Variants in LAMTOR4 observed in about 807,000 individuals in gnomAD.
LAMTOR4 encodes ragulator complex protein LAMTOR4.
A neutral mutation model predicts 13.5 loss-of-function variants in LAMTOR4; 11 were observed. The ratio of observed to expected loss-of-function variants is 0.82; its 90% confidence interval spans 0.51 to 1.35. LAMTOR4 has a LOEUF of 1.35. LAMTOR4 is among the 40% of genes most tolerant of loss of function. The pLI is 0.00. For synonymous variants in LAMTOR4, 69 were observed against 52.3 expected (o/e 1.32, Z -1.38); for missense variants, 128 against 126.2 (o/e 1.01, Z -0.07).
At position 100,150,768 on chromosome 7, in the gene LAMTOR4, G is replaced by A. The variant is rs556930477; in HGVS notation, c.84+1189G>A. ...TGGGAGGCCAAGGCGGGCGGATCAC[G>A]AGGTCAGGAGATCGAGACCATCCTG... On this transcript the variant is annotated intron_variant, in intron 2 of 3. Coordinates refer to ENST00000341942, the MANE Select transcript of LAMTOR4 (RefSeq NM_001008395.4). 3.7e-3 allele frequency among the ~76,000 whole-genome samples: 569 copies of A among 151,948 alleles called. 4 individuals are homozygous for A. Among genetic ancestry groups the A allele is most frequent in the Middle Eastern group, 6.8e-3 (2 of 294 alleles).
At position 100,153,933 on chromosome 7, in the gene LAMTOR4, A is replaced by G; in HGVS notation, c.269A>G (p.Gln90Arg). Residue 90 changes from glutamine to arginine, a missense_variant, in exon 4 of 4, where the codon CAG (glutamine) becomes CGG (arginine). Gln to Arg is a conservative substitution (Grantham distance 43, BLOSUM62 1). Transcript: ENST00000341942. ...SGQRVFVVKR[Q>R]NRGREPIDV ...CAGAGGGTGTTTGTGGTGAAGAGGC[A>G]GAACCGAGGTCGGGAGCCCATTGAT... 6.3e-7 allele frequency: 1 copy of G among 1,594,528 alleles called. No individual in the cohort carries two copies. The highest frequency in any genetic ancestry group is 8.5e-7 in the Non-Finnish European group (1 of 1,171,164).
chr7:100,149,523 G>A lies in LAMTOR4; in HGVS notation c.28G>A (p.Glu10Lys), dbSNP rs1798634885. The A allele has an allele frequency of 2.5e-6, 4 of 1,613,964 alleles. No individual in the cohort carries two copies. In the East Asian group the frequency reaches 8.9e-5, roughly 36 times the overall value. Residue 10 changes from glutamate (E) to lysine (K), a missense_variant, in exon 2 of 4, where the codon GAG (glutamate) becomes AAG (lysine). Glu to Lys is a moderately conservative substitution (Grantham distance 56). Coordinates refer to ENST00000341942, the MANE Select transcript of LAMTOR4 (RefSeq NM_001008395.4). MTSALTQGL[E>K]RIPDQLGYLV... ...GACTTCTGCGCTGACCCAGGGGCTG[G>A]AGCGAATCCCAGACCAGCTCGGCTA...
chr7:100,149,053 G>A (rs1028757360), intron 1 of LAMTOR4, 78 bp downstream of exon 1: 5 of 1,547,648 alleles, frequency 3.2e-6, no homozygotes, highest in Admixed American at 3.7e-5. Flanking sequence ...GTTTCCCCCT[G>A]GTGGGCCTGC....
At position 100,154,091 on chromosome 7, in the gene LAMTOR4, A is replaced by C. The variant is rs996165690; in HGVS notation, c.*127A>C. ...TTCTGCTCGCCCACCTCCCACCCCT[A>C]CCTGGACGGGCCCAGGCTTGGGGAC... On this transcript the variant is annotated 3_prime_UTR_variant, in exon 4 of 4. Transcript: ENST00000341942. 10 of 720,120 alleles carry C rather than the reference A, an allele frequency of 1.4e-5. No homozygotes were observed. The highest frequency in any genetic ancestry group is 2.2e-5 in the Non-Finnish European group (9 of 410,158). 44.6% of individuals were successfully genotyped at this position (720,120 alleles called of 1,614,324 possible).
chr7:100,151,378 G>GTT (rs1209891085), intron 2 of LAMTOR4, among the ~76,000 whole-genome samples: 2 of 149,294 alleles, frequency 1.3e-5, no homozygotes, highest in African/African-American at 4.9e-5. Context: ...CACCCGGCCT[G>GTT]TTTTTTTGTT....
At chr7:100,149,221 G>C (rs1265896106) in intron 1 of LAMTOR4, 2 of 612,186 alleles carry the variant, frequency 3.3e-6, no homozygotes, top group Admixed American at 3.0e-5. Context: ...GAGAGGGTCT[G>C]GGGGCAGGGG....
chr7:100,150,970 C>G (rs1798680063), intron 2 of LAMTOR4, among the ~76,000 whole-genome samples: 1 of 146,392 alleles, frequency 6.8e-6, no homozygotes, highest in South Asian at 2.2e-4. Context: ...GCCTGGGCGA[C>G]AGAGCAAGAC....
intron 1 of LAMTOR4, 48 bp downstream of exon 1, chr7:100,149,023 T>G: frequency 3.1e-6 from 5 of 1,597,212 alleles, no homozygotes; most frequent in Non-Finnish European, 4.3e-6. Flanking sequence ...GTTCAGCGTC[T>G]CTGCTCCCCA....
rs1059880 is a variant in LAMTOR4, at chr7:100,154,068, C to T, written c.*104C>T. 10 of 857,818 alleles carry T rather than the reference C, an allele frequency of 1.2e-5. No homozygotes were observed. The South Asian group carries it at 1.5e-4, about 13-fold the overall frequency. The allele number at this position is 857,818 out of a possible 1,614,324, so 53.1% of individuals were successfully genotyped here. ...GGCTTGCTGCTAGAACTAGGGCCTT[C>T]TGCTCGCCCACCTCCCACCCCTACC... On this transcript the variant is annotated 3_prime_UTR_variant, in exon 4 of 4. Coordinates refer to ENST00000341942, the MANE Select transcript of LAMTOR4 (RefSeq NM_001008395.4).
intron 3 of LAMTOR4, 21 bp from the exon 4 acceptor site, chr7:100,153,846 G>A (rs745895452): frequency 6.6e-7 from 1 of 1,519,960 alleles, no homozygotes; most frequent in Non-Finnish European, 9.0e-7. Flanking sequence ...TGGGGCGGGG[G>A]AAGGTGTGTC....
rs781430279 is a variant in LAMTOR4 at position 100,149,537 on chromosome 7, C to T, written c.42C>T (p.Asp14=). The change falls in exon 2 of 4, where the codon GAC becomes GAT. Residue 14 remains aspartate, a synonymous_variant. Coordinates refer to ENST00000341942, the MANE Select transcript of LAMTOR4 (RefSeq NM_001008395.4). ...ALTQGLERIP[D]QLGYLVLSEG... is the part of the protein sequence containing the mutation. ...CCCAGGGGCTGGAGCGAATCCCAGA[C>T]CAGCTCGGCTACCTGGTACTGAGTG... The T allele has an allele frequency of 3.7e-6, 6 of 1,613,878 alleles. No homozygotes were observed. The South Asian group carries it at 5.5e-5, about 15-fold the overall frequency.
At chr7:100,150,550 A>G (rs894050487) in intron 2 of LAMTOR4, among the ~76,000 whole-genome samples, 1 of 152,216 alleles carries the variant, frequency 6.6e-6, no homozygotes, top group African/African-American at 2.4e-5. Context: ...AAGGATCTTC[A>G]AGGCCAGGTT....
At chr7:100,151,876 A>AG (rs1798715680) in intron 2 of LAMTOR4, among the ~76,000 whole-genome samples, 1 of 151,632 alleles carries the variant, frequency 6.6e-6, no homozygotes, top group African/African-American at 2.4e-5. Context: ...AAAAAAAAAA[A>AG]AAAATGTGTG....
chr7:100,149,928 A>G, intron 2 of LAMTOR4: 1 of 176,396 alleles, frequency 5.7e-6, no homozygotes, highest in South Asian at 1.2e-4. Context: ...GGCACGTGCC[A>G]CCATGCTCTG....
chr7:100,150,527 G>A (rs1798666994), intron 2 of LAMTOR4, among the ~76,000 whole-genome samples: 1 of 152,168 alleles, frequency 6.6e-6, no homozygotes, highest in African/African-American at 2.4e-5. Flanking sequence ...TGGTCAGGGA[G>A]GATGTAATTG....
In LAMTOR4 at chr7:100,149,282, G is replaced by A. The variant is rs1376384966; in HGVS notation, c.4-217G>A. ...GGGTAGCAAAGGTGGGATGTGGAAGGCCAGGGGAGCCCGGGGGCGAGAGTG... is the reference window on the plus strand; with the variant it reads ...GGGTAGCAAAGGTGGGATGTGGAAGACCAGGGGAGCCCGGGGGCGAGAGTG... On this transcript the variant is annotated intron_variant, in intron 1 of 3. Coordinates refer to ENST00000341942, the MANE Select transcript of LAMTOR4 (RefSeq NM_001008395.4). 4 of 610,526 alleles carry A rather than the reference G, an allele frequency of 6.6e-6. No individual in the cohort carries two copies. In the African/African-American group the frequency reaches 7.4e-5, roughly 11 times the overall value. 37.8% of individuals were successfully genotyped at this position (610,526 alleles called of 1,614,324 possible).
At chr7:100,152,503 T>C (rs542164157) in intron 2 of LAMTOR4, among the ~76,000 whole-genome samples, 2 of 152,104 alleles carry the variant, frequency 1.3e-5, no homozygotes, top group Non-Finnish European at 1.5e-5. Context: ...AGACATTGAG[T>C]TTGATATAAA....
chr7:100,153,366 T>A, intron 2 of LAMTOR4, 34 bp from the exon 3 acceptor site: 1 of 1,461,458 alleles, frequency 6.8e-7, no homozygotes, highest in Non-Finnish European at 9.5e-7. Flanking sequence ...TGTGCCGTAA[T>A]GCCCGCCCCT....
intron 3 of LAMTOR4, 65 bp downstream of exon 3, chr7:100,153,582 C>T (rs759141796): frequency 1.3e-5 from 18 of 1,388,078 alleles, no homozygotes; most frequent in East Asian, 4.6e-5. Context: ...AGGGGCTTCT[C>T]GGCTTCTCTT....
Sources: allele counts gnomAD v4.1 joint callset (sites outside exome capture counted in the v4.1 genomes callset), GRCh38; gene constraint gnomAD v4.1.1; transcripts MANE v1.5; gene names NCBI Gene and HGNC (gene_info 2026-07-23, HGNC 2026-07-21).